FBXL7: variants seen among roughly 807,000 people sequenced by gnomAD.
The protein encoded by FBXL7 is F-box/LRR-repeat protein 7.
In FBXL7, 12 loss-of-function variants were observed where a neutral mutation model predicts 38.3. The ratio of observed to expected loss-of-function variants is 0.31; its 90% CI spans 0.20 to 0.51. The LOEUF (loss-of-function observed/expected upper bound fraction) is 0.51, where lower values mean the gene tolerates loss of function less well. Ranked by LOEUF, FBXL7 falls within the 20% of genes least tolerant of loss-of-function variation. FBXL7 has a pLI of 0.98. For synonymous variants in FBXL7, 297 were observed against 300.9 expected (o/e 0.99, Z 0.13); for missense variants, 567 against 676.4 (o/e 0.84, Z 1.79).
At position 15,642,461 on chromosome 5, in the gene FBXL7, T is replaced by C. The variant is rs541491198; in HGVS notation, c.127+26389T>C. Among the ~76,000 whole-genome samples, 10 of 152,294 alleles carry C rather than the reference T, an allele frequency of 6.6e-5. No homozygotes were observed. The East Asian group carries it at 1.7e-3, about 26-fold the overall frequency. ...TGCCTTACACTCAATTTCTAAAACATAGAAGCTTGCAGTGGTTGGCATGAC... is the reference window on the plus strand; with the variant it reads ...TGCCTTACACTCAATTTCTAAAACACAGAAGCTTGCAGTGGTTGGCATGAC... On this transcript the variant is annotated intron_variant, in intron 2 of 3. Transcript: ENST00000504595.
rs182942901 is a variant in FBXL7, at chr5:15,711,513, G to A, written c.127+95441G>A. 5.3e-5 allele frequency among the ~76,000 whole-genome samples: 8 copies of A among 152,262 alleles called. No homozygotes were observed. In the East Asian group the frequency reaches 1.3e-3, roughly 26 times the overall value. On this transcript the variant is annotated intron_variant, in intron 2 of 3. Transcript: ENST00000504595. The stretch of plus-strand genomic sequence containing the variant: ...ATAAGGTCACATTCTGAGATCCTGC[G>A]AGTTAGGACTTCAACATAACTTTAT...
At chr5:15,712,364 A>C (rs1472963297) in intron 2 of FBXL7, among the ~76,000 whole-genome samples, 1 of 151,834 alleles carries the variant, frequency 6.6e-6, no homozygotes, top group African/African-American at 2.4e-5. Flanking sequence ...AAAAAAAAAA[A>C]AAACCTAAAA....
At chr5:15,833,260 G>A (rs1738505577) in intron 2 of FBXL7, among the ~76,000 whole-genome samples, 1 of 152,164 alleles carries the variant, frequency 6.6e-6, no homozygotes, top group Non-Finnish European at 1.5e-5. Context: ...CTCAGTCTCT[G>A]GCTGAGAGAT....
intron 1 of FBXL7, among the ~76,000 whole-genome samples, chr5:15,585,614 G>A (rs1378388256): frequency 2.6e-5 from 4 of 152,206 alleles, no homozygotes. Flanking sequence ...TTGTATGCCT[G>A]AGCTATGTTT....
At position 15,745,156 on chromosome 5, in the gene FBXL7, A is replaced by C. The variant is rs114734475; in HGVS notation, c.127+129084A>C. ...CATTTCTCCATAGTTAACTTTTTTC[A>C]ATTTAAACATTTAGTTATAAATAAA... On this transcript the variant is annotated intron_variant, in intron 2 of 3. Coordinates refer to ENST00000504595, the MANE Select transcript of FBXL7 (RefSeq NM_012304.5). 7.3e-3 allele frequency among the ~76,000 whole-genome samples: 1,115 copies of C among 152,326 alleles called. 10 individuals are homozygous for C. The highest frequency in any genetic ancestry group is 0.025 in the African/African-American group (1,060 of 41,576).
chr5:15,605,254 G>A (rs905202447), intron 1 of FBXL7, among the ~76,000 whole-genome samples: 1 of 152,116 alleles, frequency 6.6e-6, no homozygotes, highest in Admixed American at 6.6e-5. Flanking sequence ...GTTCAAAAGT[G>A]AAAAACCACA....
intron 1 of FBXL7, among the ~76,000 whole-genome samples, chr5:15,511,105 G>A (rs1736784969): frequency 6.6e-6 from 1 of 152,188 alleles, no homozygotes; most frequent in Admixed American, 6.5e-5. Context: ...TGACTGAGAA[G>A]TGGCCCCTTC....
chr5:15,611,980 C>CA lies in FBXL7; in HGVS notation c.38-3993dup, dbSNP rs982071754. On this transcript the variant is annotated intron_variant, in intron 1 of 3. Transcript: ENST00000504595. ...TGGGTAACAGAGTGAGACACCATTT[C>CA]AAAAAAAAAAGAAAACAAAAATAAA... is the stretch of plus-strand genomic sequence containing the variant. Among the ~76,000 whole-genome samples the CA allele has an allele frequency of 1.5e-3, 213 of 143,864 alleles. 1 individual carries two copies. Among genetic ancestry groups the CA allele is most frequent in the African/African-American group, 4.1e-3 (162 of 39,088 alleles). The allele number at this position is 143,864 out of a possible 152,430, so 94.4% of individuals were successfully genotyped here.
chr5:15,669,493 C>T (rs1409931142), intron 2 of FBXL7, among the ~76,000 whole-genome samples: 1 of 152,174 alleles, frequency 6.6e-6, no homozygotes, highest in Non-Finnish European at 1.5e-5. Flanking sequence ...ACTGCTCTTA[C>T]ATACGTTTTT....
chr5:15,638,370 C>T (rs765146848), intron 2 of FBXL7, among the ~76,000 whole-genome samples: 67 of 152,148 alleles, frequency 4.4e-4, no homozygotes, highest in Non-Finnish European at 8.8e-4. Context: ...GTCATTTATC[C>T]CCAGGCTATT....
rs868701768 is a variant in FBXL7, at chr5:15,861,854, C to T, written c.128-66036C>T. The stretch of plus-strand genomic sequence containing the variant: ...CCCTGTTATATCCGCCATATTCCAA[C>T]TCCATTTGTCTAAGGACCTAGGTTG... On this transcript the variant is annotated intron_variant, in intron 2 of 3. Coordinates refer to ENST00000504595, the MANE Select transcript of FBXL7 (RefSeq NM_012304.5). 3.5e-4 allele frequency among the ~76,000 whole-genome samples: 53 copies of T among 152,296 alleles called. No individual in the cohort carries two copies. In the Middle Eastern group the frequency reaches 0.014, roughly 39 times the overall value.
At chr5:15,519,467 A>G (rs1399439689) in intron 1 of FBXL7, among the ~76,000 whole-genome samples, 3 of 149,810 alleles carry the variant, frequency 2.0e-5, no homozygotes, top group Non-Finnish European at 4.4e-5. Flanking sequence ...CAAACAAACA[A>G]ACAAAAAAAA....
At chr5:15,849,900 T>C (rs910767276) in intron 2 of FBXL7, among the ~76,000 whole-genome samples, 1 of 152,190 alleles carries the variant, frequency 6.6e-6, no homozygotes, top group Non-Finnish European at 1.5e-5. Flanking sequence ...AATTCTCCCA[T>C]GAGTGAAGCA....
intron 2 of FBXL7, among the ~76,000 whole-genome samples, chr5:15,923,737 C>G (rs1325232925): frequency 1.3e-5 from 2 of 152,086 alleles, no homozygotes; most frequent in African/African-American, 4.8e-5. Flanking sequence ...GTAGGAATAG[C>G]AGGAAGGAAT....
chr5:15,937,460 C>A lies in FBXL7; in HGVS notation c.*274C>A. ...GTACTTAAGCAGGCTGATCGCTGTT[C>A]CTTGAGCAAGGCGCTTACTCTCCTC... On this transcript the variant is annotated 3_prime_UTR_variant, in exon 4 of 4. Coordinates refer to ENST00000504595, the MANE Select transcript of FBXL7 (RefSeq NM_012304.5). 1 of 406,564 alleles carries A rather than the reference C, an allele frequency of 2.5e-6. No homozygotes were observed. Among genetic ancestry groups the A allele is most frequent in the Non-Finnish European group, 4.4e-6 (1 of 226,092 alleles). The allele number at this position is 406,564 out of a possible 1,614,324, so 25.2% of individuals were successfully genotyped here. A position where few individuals can be genotyped will look rare whatever the true frequency, so the allele number is the denominator to read the frequency against.
intron 2 of FBXL7, among the ~76,000 whole-genome samples, chr5:15,918,289 G>A (rs1176941689): frequency 2.0e-5 from 3 of 152,064 alleles, no homozygotes; most frequent in Non-Finnish European, 4.4e-5. Context: ...AGGAAAAAGA[G>A]GGTACTAAGA....
At chr5:15,691,849 G>C (rs1321570792) in intron 2 of FBXL7, among the ~76,000 whole-genome samples, 1 of 152,158 alleles carries the variant, frequency 6.6e-6, no homozygotes, top group East Asian at 1.9e-4. Flanking sequence ...GAAAGTCAAT[G>C]GTACCTTCAA....
At chr5:15,617,562 A>G (rs1178250841) in intron 2 of FBXL7, among the ~76,000 whole-genome samples, 4 of 152,058 alleles carry the variant, frequency 2.6e-5, no homozygotes, top group African/African-American at 4.8e-5. Flanking sequence ...CCCGGATTCA[A>G]GTGATTCTCC....
chr5:15,702,064 C>A (rs769449724), intron 2 of FBXL7, among the ~76,000 whole-genome samples: 28 of 151,962 alleles, frequency 1.8e-4, no homozygotes, highest in Non-Finnish European at 3.1e-4. Flanking sequence ...ATGGTGAAAC[C>A]CCCTCTCTAC....
Sources: gnomAD v4.1 joint callset for allele counts (sites outside exome capture counted in the v4.1 genomes callset) on GRCh38, gnomAD v4.1.1 for gene constraint, MANE v1.5 for transcripts, NCBI Gene and HGNC (gene_info 2026-07-23, HGNC 2026-07-21) for gene names.